Variants in SCN10A observed in about 807,000 individuals in gnomAD.
SCN10A encodes sodium channel protein type 10 subunit alpha.
In SCN10A, 162 loss-of-function variants were observed where a neutral mutation model predicts 170.7. The ratio of observed to expected loss-of-function variants is 0.95; its 90% CI spans 0.84 to 1.08. The LOEUF (loss-of-function observed/expected upper bound fraction) is 1.08. Among genes scored for constraint, SCN10A ranks in the 50% least tolerant of loss-of-function variants. The pLI, the probability that SCN10A is intolerant of heterozygous loss-of-function variation, is 0.00. For missense variants in SCN10A, 2,527 were observed against 2,436.9 expected, an observed-to-expected ratio of 1.04 and a Z score of -0.78; for synonymous variants, 985 against 904.6, an observed-to-expected ratio of 1.09 and a Z score of -1.59.
rs777556622 is a variant in SCN10A, at chr3:38,760,749, T to A, written c.884-2A>T. ...CTCGCTTATTTATGTAGATATCTGC[T>A]GAAGAAAGGAAGAAAAGAAAGCCTC... On this transcript the variant is annotated splice_acceptor_variant, in intron 7 of 27. Transcript: ENST00000449082. LOFTEE classifies it high-confidence loss of function. The A allele has an allele frequency of 1.2e-6, 2 of 1,612,856 alleles. No individual in the cohort carries two copies. The highest frequency in any genetic ancestry group is 1.3e-5 in the African/African-American group (1 of 74,898).
intron 4 of SCN10A, among the ~76,000 whole-genome samples, chr3:38,772,015 C>T (rs2064006528): frequency 6.6e-6 from 1 of 152,176 alleles, no homozygotes; most frequent in Non-Finnish European, 1.5e-5. Context: ...TTTCTAGATG[C>T]TGCTTTATGC....
intron 4 of SCN10A, among the ~76,000 whole-genome samples, chr3:38,773,104 A>G (rs2064028892): frequency 1.3e-5 from 2 of 152,256 alleles, no homozygotes; most frequent in Non-Finnish European, 2.9e-5. Flanking sequence ...GTCTTTCCCT[A>G]GCCAAACTGT....
chr3:38,708,330 A>T (rs536446347), intron 25 of SCN10A, among the ~76,000 whole-genome samples: 1 of 152,268 alleles, frequency 6.6e-6, no homozygotes, highest in African/African-American at 2.4e-5. Context: ...TCACTAGCTC[A>T]TCTCCTTCCG....
chr3:38,707,716 T>A (rs2063225713), intron 25 of SCN10A, among the ~76,000 whole-genome samples: 1 of 152,210 alleles, frequency 6.6e-6, no homozygotes, highest in East Asian at 1.9e-4. Context: ...ATCTAGCCTG[T>A]TCATTCCAGT....
At chr3:38,720,872 G>A (rs951167984) in intron 20 of SCN10A, among the ~76,000 whole-genome samples, 2 of 152,222 alleles carry the variant, frequency 1.3e-5, no homozygotes, top group African/African-American at 2.4e-5. Flanking sequence ...AAGGAGAAGA[G>A]CATAGGTGTG....
At position 38,726,687 on chromosome 3, in the gene SCN10A, A is replaced by T. The variant is rs1468646908; in HGVS notation, c.3006T>A (p.Gly1002=). The T allele has an allele frequency of 6.2e-7, 1 of 1,611,846 alleles. No homozygotes were observed. Among genetic ancestry groups the T allele is most frequent in the Admixed American group, 1.7e-5 (1 of 59,946 alleles). Residue 1002 remains glycine (G), a synonymous_variant, in exon 17 of 28, where the codon GGT becomes GGA. Transcript: ENST00000449082. ...CCTCCAAGTCATCAAGATCAGATTC[A>T]CCCTCAGCAATGGGCACAGAGACCC... ...TVWVSVPIAE[G]ESDLDDLEDD...
At chr3:38,698,588 A>G (rs1051229382) in intron 27 of SCN10A, 26 bp from the exon 28 acceptor site, 4 of 1,598,102 alleles carry the variant, frequency 2.5e-6, no homozygotes, top group Non-Finnish European at 3.4e-6. Flanking sequence ...GAAATTATCT[A>G]ATTAGTATCT....
chr3:38,706,245 T>A (rs2063210142), intron 26 of SCN10A, among the ~76,000 whole-genome samples: 1 of 152,234 alleles, frequency 6.6e-6, no homozygotes, highest in Non-Finnish European at 1.5e-5. Context: ...GCAAATCCTA[T>A]ACCTTGATTT....
At chr3:38,736,447 C>T (rs2063561780) in intron 15 of SCN10A, among the ~76,000 whole-genome samples, 1 of 149,354 alleles carries the variant, frequency 6.7e-6, no homozygotes, top group Admixed American at 6.7e-5. Flanking sequence ...GTTCAATCTG[C>T]TCCAGTTTTC....
At chr3:38,717,849 C>A (rs995511546) in intron 21 of SCN10A, among the ~76,000 whole-genome samples, 33 of 152,206 alleles carry the variant, frequency 2.2e-4, no homozygotes, top group Non-Finnish European at 4.3e-4. Context: ...AACCATGCTG[C>A]AAAGCAAAGA....
chr3:38,807,020 G>A (rs568990153), intron 1 of SCN10A, among the ~76,000 whole-genome samples: 18 of 152,082 alleles, frequency 1.2e-4, no homozygotes, highest in East Asian at 3.9e-4. Context: ...CCAAATTTTC[G>A]TCCTATTATA....
In SCN10A at chr3:38,697,592, G is replaced by C. The variant is rs147660344; in HGVS notation, c.5628C>G (p.Thr1876=). ...VLHRSMALSN[T]PCVPRAEEEA... is the part of the protein sequence containing the mutation. The stretch of plus-strand genomic sequence containing the variant: ...CCTCCTCAGCTCTGGGCACACATGG[G>C]GTGTTAGAGAGTGCCATGGAGCGGT... The change falls in exon 28 of 28, where the codon ACC becomes ACG. Residue 1876 remains threonine, a synonymous_variant. Coordinates refer to ENST00000449082, the MANE Select transcript of SCN10A (RefSeq NM_006514.4). 131 of 1,614,166 alleles carry C rather than the reference G, an allele frequency of 8.1e-5. 2 individuals carry two copies. The East Asian group carries it at 2.6e-3, about 32-fold the overall frequency.
chr3:38,795,335 CTTTTTCTTTTTCT>C (rs1335734624), intron 1 of SCN10A, among the ~76,000 whole-genome samples: 34 of 141,522 alleles, frequency 2.4e-4, no homozygotes, highest in African/African-American at 8.8e-4. Context: ...TTGTTTTTTT[CTTTTTCTTTTTCT>C]TTTTTTTTTT....
intron 24 of SCN10A, 145 bp from the exon 25 acceptor site, chr3:38,709,760 G>T: frequency 1.5e-6 from 1 of 681,178 alleles, no homozygotes; most frequent in Non-Finnish European, 2.4e-6. Flanking sequence ...GAGTGGGGAA[G>T]AATAAGCGGG....
chr3:38,730,014 T>G (rs151236225), intron 15 of SCN10A, among the ~76,000 whole-genome samples: 25 of 152,280 alleles, frequency 1.6e-4, no homozygotes, highest in African/African-American at 5.8e-4. Context: ...AAACAACAAC[T>G]CTGTGGACTG....
At chr3:38,772,129 T>C (rs1256688366) in intron 4 of SCN10A, among the ~76,000 whole-genome samples, 1 of 151,802 alleles carries the variant, frequency 6.6e-6, no homozygotes, top group East Asian at 1.9e-4. Context: ...AAAATGCATA[T>C]AAAGAAAAGT....
At chr3:38,714,223 A>G (rs2063307811) in intron 21 of SCN10A, 143 bp from the exon 22 acceptor site, 1 of 942,740 alleles carries the variant, frequency 1.1e-6, no homozygotes, top group East Asian at 2.5e-5. Flanking sequence ...CGGAACTCCA[A>G]TGAGAGGTCT....
At position 38,802,063 on chromosome 3, in the gene SCN10A, C is replaced by A. The variant is rs375517841; in HGVS notation, c.-32-8021G>T. Among the ~76,000 whole-genome samples, 43 of 152,250 alleles carry A rather than the reference C, an allele frequency of 2.8e-4. 1 individual carries two copies. In the East Asian group the frequency reaches 7.7e-3, roughly 27 times the overall value. On this transcript the variant is annotated intron_variant, in intron 1 of 27. Coordinates refer to ENST00000449082, the MANE Select transcript of SCN10A (RefSeq NM_006514.4). ...TTCCCTATCTCAATAAACTTCATAG[C>A]CATTTTTCCAAGATAGAAACTTAGG...
intron 11 of SCN10A, among the ~76,000 whole-genome samples, chr3:38,754,262 G>C (rs1489024909): frequency 6.6e-6 from 1 of 152,182 alleles, no homozygotes; most frequent in Non-Finnish European, 1.5e-5. Context: ...CCCCATAAGA[G>C]TGGATGTTTC....
Sources: gnomAD v4.1 joint callset for allele counts (sites outside exome capture counted in the v4.1 genomes callset) on GRCh38, gnomAD v4.1.1 for gene constraint, MANE v1.5 for transcripts, NCBI Gene and HGNC (gene_info 2026-07-23, HGNC 2026-07-21) for gene names.